The following MIDEAS variants were observed in gnomAD, a reference collection of about 807,000 sequenced individuals.
MIDEAS encodes the protein mitotic deacetylase-associated SANT domain protein.
In MIDEAS, 26 loss-of-function variants were observed where a neutral mutation model predicts 102.7. That is an observed-to-expected ratio of 0.25 (90% confidence interval 0.19 to 0.35). MIDEAS has a LOEUF of 0.35. Ranked by LOEUF, MIDEAS falls within the 10% of genes least tolerant of loss-of-function variation. The probability of loss-of-function intolerance (pLI) is 1.00; values close to 1 mark genes in which losing one functional copy is unlikely to be tolerated. For synonymous variants in MIDEAS, 585 were observed against 591.0 expected, an observed-to-expected ratio of 0.99 and a Z score of 0.15; for missense variants, 1,231 against 1,435.6, an observed-to-expected ratio of 0.86 and a Z score of 2.30.
chr14:73,753,491 A>G (rs1447581143), intron 1 of MIDEAS, among the ~76,000 whole-genome samples: 2 of 152,206 alleles, frequency 1.3e-5, no homozygotes, highest in Admixed American at 1.3e-4. Context: ...CAACAGTTTC[A>G]TCTCAGTTAT....
chr14:73,769,937 G>T (rs2140166957), intron 1 of MIDEAS, among the ~76,000 whole-genome samples: 1 of 148,716 alleles, frequency 6.7e-6, no homozygotes, highest in South Asian at 2.1e-4. Context: ...AATTTTTGCG[G>T]GTATATTGTA....
intron 1 of MIDEAS, among the ~76,000 whole-genome samples, chr14:73,785,424 G>A (rs2140183905): frequency 6.6e-6 from 1 of 152,254 alleles, no homozygotes; most frequent in Non-Finnish European, 1.5e-5. Context: ...TGGAGAAGGA[G>A]GAGTCACTCC....
At position 73,778,391 on chromosome 14, in the gene MIDEAS, T is replaced by A. The variant is rs193264364; in HGVS notation, c.-248+8711A>T. On this transcript the variant is annotated intron_variant, in intron 1 of 11. Coordinates refer to the MIDEAS transcript ENST00000394071. The stretch of plus-strand genomic sequence containing the variant: ...AAAAAAAAAAACGTGATGGGGAAGG[T>A]CACGACTGTTGTGGTTACAGCTACT... Among the ~76,000 whole-genome samples, 16 of 149,436 alleles carry A rather than the reference T, an allele frequency of 1.1e-4. 2 individuals carry two copies. The highest frequency in any genetic ancestry group is 1.0e-3 in the Admixed American group (15 of 14,972).
intron 1 of MIDEAS, among the ~76,000 whole-genome samples, chr14:73,756,981 CA>C (rs771216052): frequency 6.6e-6 from 1 of 152,106 alleles, no homozygotes; most frequent in Non-Finnish European, 1.5e-5. Context: ...GTTCAACTAA[CA>C]TGCACTAAGA....
In MIDEAS at chr14:73,774,114, G is replaced by A. The variant is rs1188776136; in HGVS notation, c.-248+12988C>T. On this transcript the variant is annotated intron_variant, in intron 1 of 11. Transcript: ENST00000394071. The stretch of plus-strand genomic sequence containing the variant: ...CTCCACAGGTCTCTCTGAGTGGCAC[G>A]CAGACCTGGGATAATGACAGGAAGC... Among the ~76,000 whole-genome samples, 70 of 151,622 alleles carry A rather than the reference G, an allele frequency of 4.6e-4. 1 individual carries two copies. The highest frequency in any genetic ancestry group is 7.4e-5 in the Non-Finnish European group (5 of 67,902).
intron 9 of MIDEAS, chr14:73,723,690 T>C (rs2053026090): frequency 6.6e-6 from 1 of 152,224 alleles, no homozygotes; most frequent in East Asian, 1.9e-4. Flanking sequence ...TTGCTAAATC[T>C]AAGTCCGGGG....
At chr14:73,769,381 G>A (rs780944677) in intron 1 of MIDEAS, among the ~76,000 whole-genome samples, 1 of 152,190 alleles carries the variant, frequency 6.6e-6, no homozygotes, top group Non-Finnish European at 1.5e-5. Context: ...GTAAATCATC[G>A]AGAGGAAAAA....
chr14:73,741,222 C>T (rs1349670994), intron 1 of MIDEAS, among the ~76,000 whole-genome samples: 1 of 152,252 alleles, frequency 6.6e-6, no homozygotes, highest in African/African-American at 2.4e-5. Flanking sequence ...GACTTAAGTA[C>T]ACAGTTTTTC....
rs1055828715 is a variant in MIDEAS at position 73,727,444 on chromosome 14, A to G, written c.2162+14T>C. On this transcript the variant is annotated intron_variant, in intron 5 of 12. Coordinates refer to ENST00000423556, the MANE Select transcript of MIDEAS (RefSeq NM_001367710.1). Reference sequence around the variant, plus strand: ...CCACCCACACCCCTCGGCCAGGGGCAGGGCTGCACTTACGGCTCGATGCTC... The same window carrying G: ...CCACCCACACCCCTCGGCCAGGGGCGGGGCTGCACTTACGGCTCGATGCTC... 1 of 1,613,926 alleles carries G rather than the reference A, an allele frequency of 6.2e-7. No individual in the cohort carries two copies. Among genetic ancestry groups the G allele is most frequent in the Admixed American group, 1.7e-5 (1 of 60,010 alleles).
At chr14:73,756,267 AGTGTGTGTGTGTGT>A (rs772519833) in intron 1 of MIDEAS, among the ~76,000 whole-genome samples, 15 of 141,134 alleles carry the variant, frequency 1.1e-4, no homozygotes, top group African/African-American at 3.9e-4. Context: ...AGCCCATGTC[AGTGTGTGTGTGTGT>A]GTGTGTGTGT....
chr14:73,725,329 C>T lies in MIDEAS; in HGVS notation c.2517G>A (p.Lys839=), dbSNP rs1376767771. The change falls in exon 9 of 13, where the codon AAG becomes AAA. Residue 839 remains lysine, a synonymous_variant. Transcript: ENST00000423556. This position sits in a 1 kb window ranked among gnomAD's most constrained non-coding sequence, Gnocchi z 4.1. ...AGATGGCAATGCCTTTGTTGAACAG[C>T]TTCCTCTCGGCCATCTTCCACTGGT... is the stretch of plus-strand genomic sequence containing the variant. ...GSDQWKMAER[K]LFNKGIAIYK... The T allele has an allele frequency of 6.2e-7, 1 of 1,614,120 alleles. No individual in the cohort carries two copies. The highest frequency in any genetic ancestry group is 1.7e-5 in the Admixed American group (1 of 60,028).
At chr14:73,770,346 G>GTGATGATGATGATGACGA (rs1358819579) in intron 1 of MIDEAS, among the ~76,000 whole-genome samples, 8 of 144,832 alleles carry the variant, frequency 5.5e-5, no homozygotes, top group African/African-American at 1.9e-4. Context: ...AGTAACGACG[G>GTGATGATGATGATGACGA]TGATGATGAT....
At chr14:73,788,631 T>C (rs2053840947), upstream of MIDEAS, among the ~76,000 whole-genome samples, 2 of 152,204 alleles carry the variant, frequency 1.3e-5, no homozygotes, top group Admixed American at 6.5e-5. Flanking sequence ...AAATGTGCAA[T>C]GCAAGAAAAA....
At chr14:73,745,262 C>A (rs916125039) in intron 1 of MIDEAS, among the ~76,000 whole-genome samples, 6 of 152,228 alleles carry the variant, frequency 3.9e-5, no homozygotes, top group Non-Finnish European at 8.8e-5. Context: ...CTTCTCCCTG[C>A]TGGCCCACAA....
At chr14:73,772,757 C>T (rs1391683939) in intron 1 of MIDEAS, among the ~76,000 whole-genome samples, 1 of 149,022 alleles carries the variant, frequency 6.7e-6, no homozygotes, top group African/African-American at 2.5e-5. Context: ...ACTAATAGAT[C>T]AAAGGAAATT....
At chr14:73,771,414 ACCAAGGAGTCT>A (rs1181334012) in intron 1 of MIDEAS, among the ~76,000 whole-genome samples, 2 of 152,080 alleles carry the variant, frequency 1.3e-5, no homozygotes, top group Non-Finnish European at 2.9e-5. Flanking sequence ...TCTGCACAAC[ACCAAGGAGTCT>A]CCCTGTCCTG....
rs1250142399 is a variant in MIDEAS at position 73,739,076 on chromosome 14, G to T, written c.933C>A (p.Phe311Leu). ...CTGGGTTCATATCTGGGTTGGGGGG[G>T]AAGGGGTAGGGTGCCATGCTGTGGT... ...LAHHSMAPYP[F>L]PPNPDMNPEL... Residue 311 changes from phenylalanine (F) to leucine (L), a missense_variant, in exon 2 of 13, where the codon TTC becomes TTA. This residue lies in a region of MIDEAS where 758 missense variants were observed against 856.0 expected (regional missense o/e 0.89). Coordinates refer to ENST00000423556, the MANE Select transcript of MIDEAS (RefSeq NM_001367710.1). 6.3e-7 allele frequency: 1 copy of T among 1,578,008 alleles called. No homozygotes were observed. The highest frequency in any genetic ancestry group is 1.2e-5 in the South Asian group (1 of 85,110).
chr14:73,787,480 C>T (rs2053827067), upstream of MIDEAS: 1 of 152,256 alleles, frequency 6.6e-6, no homozygotes, highest in Non-Finnish European at 1.5e-5. Context: ...GATCCGGGGC[C>T]CCGCGCTGGA....
rs770857004 is a variant in MIDEAS at position 73,729,620 on chromosome 14, C to G, written c.2095+20G>C. On this transcript the variant is annotated intron_variant, in intron 4 of 12. Coordinates refer to ENST00000423556, the MANE Select transcript of MIDEAS (RefSeq NM_001367710.1). ...GCCCCAGCCCCGCTCCTGCCAGGGTCGCGGAGGGAGGTCACTCACTAGTCC... is the reference window on the plus strand; with the variant it reads ...GCCCCAGCCCCGCTCCTGCCAGGGTGGCGGAGGGAGGTCACTCACTAGTCC... The G allele has an allele frequency of 6.4e-7, 1 of 1,574,528 alleles. No homozygotes were observed. Among genetic ancestry groups the G allele is most frequent in the African/African-American group, 1.3e-5 (1 of 74,548 alleles).
Sources: gnomAD v4.1 joint callset for allele counts (sites outside exome capture counted in the v4.1 genomes callset) on GRCh38, gnomAD v4.1.1 for gene constraint, gnomAD v4.1.1 regional missense constraint, Gnocchi (gnomAD v3.1) non-coding constraint, MANE v1.5 for transcripts, NCBI Gene and HGNC (gene_info 2026-07-23, HGNC 2026-07-21) for gene names.